Variants in KLHL42 observed in about 807,000 individuals in gnomAD.
The protein encoded by KLHL42 is kelch like family member 42, also known as kelch-like protein 42.
In KLHL42, 27 loss-of-function variants were observed where a neutral mutation model predicts 32.7. The observed-to-expected ratio is 0.83, with a 90% CI of 0.61 to 1.14. The LOEUF is 1.14. KLHL42 is among the 50% of genes most tolerant of loss of function. The probability of loss-of-function intolerance (pLI) is 0.00; values close to 1 mark genes in which losing one functional copy is unlikely to be tolerated. For missense variants in KLHL42, 491 were observed against 560.8 expected, an observed-to-expected ratio of 0.88 and a Z score of 1.26; for synonymous variants, 267 against 248.2, an observed-to-expected ratio of 1.08 and a Z score of -0.71.
Position 27,798,185 on chromosome 12 carries a change from TG to T in KLHL42, c.*20del, listed in dbSNP as rs771965048. ...AACATGACTGAATTGAATTGGTAGA[TG>T]AAAAAAACCTGGTTCAAGTTTTTTT... On this transcript the variant is annotated 3_prime_UTR_variant, in exon 3 of 3. Transcript: ENST00000381271. 1.3e-5 allele frequency: 10 copies of T among 758,054 alleles called. No individual in the cohort carries two copies. Among genetic ancestry groups the T allele is most frequent in the Non-Finnish European group, 2.4e-5 (10 of 409,024 alleles). 47.0% of individuals were successfully genotyped at this position (758,054 alleles called of 1,614,324 possible). A position where few individuals can be genotyped will look rare whatever the true frequency, so the allele number is the denominator to read the frequency against.
In KLHL42 at chr12:27,780,754, C is replaced by T; in HGVS notation, c.424C>T (p.Leu142=). The T allele has an allele frequency of 1.2e-6, 2 of 1,613,334 alleles. No homozygotes were observed. The highest frequency in any genetic ancestry group is 8.5e-7 in the Non-Finnish European group (1 of 1,180,002). Residue 142 remains leucine (L), a synonymous_variant, in exon 1 of 3, where the codon CTG becomes TTG. Coordinates refer to ENST00000381271, the MANE Select transcript of KLHL42 (RefSeq NM_020782.2). This position sits in a 1 kb window ranked among gnomAD's most constrained non-coding sequence, Gnocchi z 8.8. ...GTACCGCCTGGCGCAGGTGTACGGG[C>T]TGCCCGACCTGCAGGAGGCCTGCCT... ...EMYRLAQVYG[L]PDLQEACLRF... is the part of the protein sequence containing the mutation.
intron 1 of KLHL42, among the ~76,000 whole-genome samples, chr12:27,787,304 G>A (rs1340206583): frequency 6.6e-6 from 1 of 151,816 alleles, no homozygotes; most frequent in African/African-American, 2.4e-5. Context: ...AGACCAGCCT[G>A]GCCAACGTGG....
intron 1 of KLHL42, among the ~76,000 whole-genome samples, chr12:27,785,628 T>A (rs149307356): frequency 6.6e-6 from 1 of 152,300 alleles, no homozygotes; most frequent in Non-Finnish European, 1.5e-5. Flanking sequence ...TGGCTTGGGC[T>A]GAGTGTTCCG....
chr12:27,802,959 A>G lies in KLHL42; in HGVS notation c.*4793A>G, dbSNP rs1345267502. ...GATTCATTTGAATACAAGAATGCCT[A>G]TGAAATACCCACTATAACAGCATTC... On this transcript the variant is annotated 3_prime_UTR_variant, in exon 3 of 3. Transcript: ENST00000381271. The G allele has an allele frequency of 6.6e-6, 1 of 152,258 alleles. No individual in the cohort carries two copies. Among genetic ancestry groups the G allele is most frequent in the East Asian group, 1.9e-4 (1 of 5,208 alleles). 9.4% of individuals were successfully genotyped at this position (152,258 alleles called of 1,614,324 possible). A position where few individuals can be genotyped will look rare whatever the true frequency, so the allele number is the denominator to read the frequency against.
At position 27,800,181 on chromosome 12, in the gene KLHL42, A is replaced by T. The variant is rs879600237; in HGVS notation, c.*2015A>T. 4.1e-6 allele frequency: 4 copies of T among 985,344 alleles called. No homozygotes were observed. The highest frequency in any genetic ancestry group is 1.7e-5 in the African/African-American group (1 of 57,246). The allele number at this position is 985,344 out of a possible 1,614,324, so 61.0% of individuals were successfully genotyped here. ...GTTGGAGATTAGTTTGCAAATAAGC[A>T]TATCATATCAAATACAATATTCCAG... On this transcript the variant is annotated 3_prime_UTR_variant, in exon 3 of 3. Transcript: ENST00000381271.
Position 27,800,114 on chromosome 12 carries a change from A to G in KLHL42, c.*1948A>G. On this transcript the variant is annotated 3_prime_UTR_variant, in exon 3 of 3. Transcript: ENST00000381271. ...TAACTTTTTAAAGGCTTTGTCCTAT[A>G]CATTTAGAAGATGAGTCAGTTGAAT... The G allele has an allele frequency of 2.0e-6, 2 of 984,970 alleles. No individual in the cohort carries two copies. Among genetic ancestry groups the G allele is most frequent in the Non-Finnish European group, 2.4e-6 (2 of 829,506 alleles). 61.0% of individuals were successfully genotyped at this position (984,970 alleles called of 1,614,324 possible).
Position 27,781,029 on chromosome 12 carries a change from C to A in KLHL42, c.699C>A (p.Ala233=). ...TGACTGAGCGTTGGTTCCCGCTGGC[C>A]AACAACCTTCCTCCCGACCTGGTCA... is the stretch of plus-strand genomic sequence containing the variant. ...EEMTERWFPL[A]NNLPPDLVNV... Residue 233 remains alanine, a synonymous_variant, in exon 1 of 3, where the codon GCC becomes GCA. Coordinates refer to ENST00000381271, the MANE Select transcript of KLHL42 (RefSeq NM_020782.2). The A allele has an allele frequency of 6.2e-7, 1 of 1,612,916 alleles. No individual in the cohort carries two copies. The highest frequency in any genetic ancestry group is 1.1e-5 in the South Asian group (1 of 90,976).
In KLHL42 at chr12:27,780,318, G is replaced by T; in HGVS notation, c.-13G>T. On this transcript the variant is annotated 5_prime_UTR_variant, in exon 1 of 3. Coordinates refer to ENST00000381271, the MANE Select transcript of KLHL42 (RefSeq NM_020782.2). The surrounding 1 kb of genome is among the most constrained non-coding windows in gnomAD (Gnocchi z 8.8). ...ATCTGGCGGTGAGCGCTGCCGCCCC[G>T]GGGCCCCCAGCCATGTCGGCCGAGG... 6.5e-7 allele frequency: 1 copy of T among 1,548,310 alleles called. No homozygotes were observed. Among genetic ancestry groups the T allele is most frequent in the Non-Finnish European group, 8.7e-7 (1 of 1,151,878 alleles).
chr12:27,799,543 G>A lies in KLHL42; in HGVS notation c.*1377G>A, dbSNP rs1026443230. 1 of 152,074 alleles carries A rather than the reference G, an allele frequency of 6.6e-6. No homozygotes were observed. Among genetic ancestry groups the A allele is most frequent in the Non-Finnish European group, 1.5e-5 (1 of 67,990 alleles). The allele number at this position is 152,074 out of a possible 1,614,324, so 9.4% of individuals were successfully genotyped here. ...ATGTGCCTCACTTTAAGAAAGTCCTGTAGGGGAAAAAAAAAACTGTCAGAG... is the reference window on the plus strand; with the variant it reads ...ATGTGCCTCACTTTAAGAAAGTCCTATAGGGGAAAAAAAAAACTGTCAGAG... On this transcript the variant is annotated 3_prime_UTR_variant, in exon 3 of 3. Transcript: ENST00000381271.
At chr12:27,785,502 C>T (rs778731376) in intron 1 of KLHL42, among the ~76,000 whole-genome samples, 12 of 152,144 alleles carry the variant, frequency 7.9e-5, no homozygotes, top group Non-Finnish European at 1.3e-4. Context: ...CATGCCTGAC[C>T]CTCCATTATA....
intron 1 of KLHL42, among the ~76,000 whole-genome samples, chr12:27,785,676 T>C (rs1383998216): frequency 6.6e-6 from 1 of 152,158 alleles, no homozygotes; most frequent in Non-Finnish European, 1.5e-5. Context: ...ATTCCCCGAC[T>C]TGAATTGAAA....
intron 2 of KLHL42, among the ~76,000 whole-genome samples, chr12:27,792,834 T>C (rs146995277): frequency 1.5e-3 from 233 of 152,374 alleles, no homozygotes; most frequent in Non-Finnish European, 2.9e-3. Flanking sequence ...GGTTCCACTA[T>C]TTATTAAAAT....
At chr12:27,797,185 A>G in intron 2 of KLHL42, 1 of 451,710 alleles carries the variant, frequency 2.2e-6, no homozygotes, top group South Asian at 1.6e-5. Flanking sequence ...GCTTGTTAGA[A>G]GGCCGCAGGT....
intron 2 of KLHL42, among the ~76,000 whole-genome samples, chr12:27,795,427 C>G (rs1332636477): frequency 6.6e-6 from 1 of 152,170 alleles, no homozygotes; most frequent in Non-Finnish European, 1.5e-5. Flanking sequence ...GTCCTGGATT[C>G]CCTGAGCCAA....
At chr12:27,791,614 C>T (rs773154883) in intron 1 of KLHL42, 94 bp from the exon 2 acceptor site, 15 of 1,110,136 alleles carry the variant, frequency 1.4e-5, no homozygotes, top group Non-Finnish European at 2.0e-5. Flanking sequence ...GAATTTTCTT[C>T]AGATGTTCAG....
At chr12:27,789,190 T>A (rs1001715336) in intron 1 of KLHL42, among the ~76,000 whole-genome samples, 1 of 152,224 alleles carries the variant, frequency 6.6e-6, no homozygotes, top group African/African-American at 2.4e-5. Flanking sequence ...CTGCAAGTGC[T>A]GTCCTTTTCA....
intron 2 of KLHL42, among the ~76,000 whole-genome samples, chr12:27,796,759 A>G (rs183327617): frequency 3.3e-5 from 5 of 152,112 alleles, no homozygotes; most frequent in Non-Finnish European, 5.9e-5. Flanking sequence ...CAGCCTTCCA[A>G]GTAGCAGCTG....
rs1247365985 is a variant in KLHL42 at position 27,802,728 on chromosome 12, G to A, written c.*4562G>A. On this transcript the variant is annotated 3_prime_UTR_variant, in exon 3 of 3. Transcript: ENST00000381271. The stretch of plus-strand genomic sequence containing the variant: ...TAAAGAAAAGGAAAATGTGATTTAC[G>A]TTGTCATTTTTCCTATTAAAAAAAA... 3 of 152,316 alleles carry A rather than the reference G, an allele frequency of 2.0e-5. No individual in the cohort carries two copies. Among genetic ancestry groups the A allele is most frequent in the Non-Finnish European group, 2.9e-5 (2 of 67,998 alleles). 9.4% of individuals were successfully genotyped at this position (152,316 alleles called of 1,614,324 possible).
intron 1 of KLHL42, chr12:27,787,709 T>TGA (rs1181311804): frequency 6.6e-6 from 1 of 152,194 alleles, no homozygotes; most frequent in Non-Finnish European, 1.5e-5. Flanking sequence ...ACAGCAAGGC[T>TGA]GAGAGAGAGA....
Sources: allele counts gnomAD v4.1 joint callset (sites outside exome capture counted in the v4.1 genomes callset), GRCh38; gene constraint gnomAD v4.1.1; non-coding constraint Gnocchi (gnomAD v3.1); transcripts MANE v1.5; gene names NCBI Gene and HGNC (gene_info 2026-07-23, HGNC 2026-07-21).